The following KRR1 variants were observed in gnomAD, a reference collection of about 807,000 sequenced individuals.
KRR1 encodes KRR1 small subunit processome component homolog.
A neutral mutation model predicts 50.0 loss-of-function variants in KRR1; 23 were observed. That is an observed-to-expected ratio of 0.46 (90% CI 0.33 to 0.65). KRR1 has a LOEUF of 0.65. Among genes scored for constraint, KRR1 ranks in the 30% least tolerant of loss-of-function variants. KRR1 has a pLI of 0.02. For synonymous variants in KRR1, 133 were observed against 146.3 expected (o/e 0.91, Z 0.66); for missense variants, 419 against 442.4 (o/e 0.95, Z 0.47).
At chr12:75,502,226 G>A (rs2046399321) in intron 7 of KRR1, 2 of 407,168 alleles carry the variant, frequency 4.9e-6, no homozygotes, top group Admixed American at 4.1e-5. Context: ...GTAGTTCAGG[G>A]ATATGGCATG....
rs1566106163 is a variant in KRR1, at chr12:75,508,259, A to G, written c.258+15T>C. On this transcript the variant is annotated intron_variant, in intron 2 of 9. Coordinates refer to ENST00000229214, the MANE Select transcript of KRR1 (RefSeq NM_007043.7). ...CAAAGTCTCAAATAAATGTATTGAT[A>G]TAAGATACACATACATGTTCATTTA... 2 of 1,574,852 alleles carry G rather than the reference A, an allele frequency of 1.3e-6. No homozygotes were observed. The highest frequency in any genetic ancestry group is 1.7e-6 in the Non-Finnish European group (2 of 1,160,920).
Position 75,508,262 on chromosome 12 carries a change from A to G in KRR1, c.258+12T>C, listed in dbSNP as rs1452990878. On this transcript the variant is annotated intron_variant, in intron 2 of 9. Transcript: ENST00000229214. ...AGTCTCAAATAAATGTATTGATATA[A>G]GATACACATACATGTTCATTTAAGG... The G allele has an allele frequency of 1.9e-6, 3 of 1,575,406 alleles. No individual in the cohort carries two copies. Among genetic ancestry groups the G allele is most frequent in the African/African-American group, 2.7e-5 (2 of 73,184 alleles).
intron 9 of KRR1, 165 bp from the exon 10 acceptor site, chr12:75,500,116 C>T (rs1594065295): frequency 4.2e-6 from 2 of 481,894 alleles, no homozygotes; most frequent in Non-Finnish European, 7.0e-6. Flanking sequence ...AAAACACTTG[C>T]CTAAAGCAGT....
chr12:75,509,297 T>C (rs1195322550), intron 1 of KRR1, among the ~76,000 whole-genome samples: 4 of 152,190 alleles, frequency 2.6e-5, no homozygotes, highest in Non-Finnish European at 5.9e-5. Context: ...ATGCAATTAT[T>C]GGGCCCCACT....
chr12:75,498,616 G>C lies in KRR1; in HGVS notation c.*1193C>G. On this transcript the variant is annotated 3_prime_UTR_variant, in exon 10 of 10. Coordinates refer to ENST00000229214, the MANE Select transcript of KRR1 (RefSeq NM_007043.7). ...AGCAAGTTAATGGTCATAATTATAA[G>C]ACTTAGCTTTTTAAAATAAAACTCT... 1 of 1,158,178 alleles carries C rather than the reference G, an allele frequency of 8.6e-7. No individual in the cohort carries two copies. The highest frequency in any genetic ancestry group is 1.3e-6 in the Non-Finnish European group (1 of 774,138). The allele number at this position is 1,158,178 out of a possible 1,614,324, so 71.7% of individuals were successfully genotyped here.
chr12:75,501,478 G>C, intron 9 of KRR1: 1 of 398,980 alleles, frequency 2.5e-6, no homozygotes, highest in Non-Finnish European at 4.5e-6. Flanking sequence ...ACAACAAAGA[G>C]TCTTTTCCAA....
At position 75,492,708 on chromosome 12, in the gene KRR1, T is replaced by C. The variant is rs1280598929; in HGVS notation, c.*7101A>G. The C allele has an allele frequency of 1.3e-5, 2 of 152,222 alleles. No individual in the cohort carries two copies. Among genetic ancestry groups the C allele is most frequent in the South Asian group, 2.1e-4 (1 of 4,834 alleles). The allele number at this position is 152,222 out of a possible 1,614,324, so 9.4% of individuals were successfully genotyped here. A position where few individuals can be genotyped will look rare whatever the true frequency, so the allele number is the denominator to read the frequency against. The stretch of plus-strand genomic sequence containing the variant: ...AAAGTTATAATGCTTCCATAAAGAC[T>C]AACTTCAAATATTCATTTATTCAAC... On this transcript the variant is annotated 3_prime_UTR_variant, in exon 10 of 10. Coordinates refer to ENST00000229214, the MANE Select transcript of KRR1 (RefSeq NM_007043.7).
intron 1 of KRR1, among the ~76,000 whole-genome samples, chr12:75,510,586 T>C (rs1423227731): frequency 1.3e-5 from 2 of 152,132 alleles, no homozygotes; most frequent in Admixed American, 6.5e-5. Context: ...AGCCACTTCA[T>C]GACTACAAGA....
chr12:75,506,601 TC>T lies in KRR1; in HGVS notation c.401del (p.Arg134GlnfsTer14), dbSNP rs751772613. The T allele has an allele frequency of 2.1e-6, 3 of 1,401,758 alleles. No homozygotes were observed. The highest frequency in any genetic ancestry group is 1.9e-6 in the Non-Finnish European group (2 of 1,041,394). 86.8% of individuals were successfully genotyped at this position (1,401,758 alleles called of 1,614,324 possible). A position where few individuals can be genotyped will look rare whatever the true frequency, so the allele number is the denominator to read the frequency against. Reference protein sequence around the residue: ...ARSVSFEQAVRILQDDVACDI... With the variant: ...ARSVSFEQAVXILQDDVACDI... Reference sequence around the variant, plus strand: ...CACATGCAACATCATCCTGAAGAATTCGTACTGCCTTTTGCAAAAAAAAAAA... The same window carrying T: ...CACATGCAACATCATCCTGAAGAATTGTACTGCCTTTTGCAAAAAAAAAAA... On this transcript the variant is annotated frameshift_variant, in exon 4 of 10. Transcript: ENST00000229214. LOFTEE classifies it high-confidence loss of function.
At position 75,508,292 on chromosome 12, in the gene KRR1, C is replaced by T. The variant is rs1303334312; in HGVS notation, c.240G>A (p.Gln80=). Residue 80 remains glutamine (Q), a synonymous_variant, in exon 2 of 10, where the codon CAG becomes CAA. Coordinates refer to ENST00000229214, the MANE Select transcript of KRR1 (RefSeq NM_007043.7). ...AYLKECWPLV[Q]KALNEHHVNA... is the part of the protein sequence containing the mutation. ...CACATACATGTTCATTTAAGGCTTTCTGCACCAATGGCCAACACTCTTTCA... is the reference window on the plus strand; with the variant it reads ...CACATACATGTTCATTTAAGGCTTTTTGCACCAATGGCCAACACTCTTTCA... The T allele has an allele frequency of 6.2e-7, 1 of 1,609,814 alleles. No individual in the cohort carries two copies.
chr12:75,502,020 C>CAATT lies in KRR1; in HGVS notation c.832-24_832-21dup. 1 of 1,584,234 alleles carries CAATT rather than the reference C, an allele frequency of 6.3e-7. No homozygotes were observed. Among genetic ancestry groups the CAATT allele is most frequent in the East Asian group, 2.3e-5 (1 of 43,474 alleles). On this transcript the variant is annotated intron_variant, in intron 7 of 9. Coordinates refer to ENST00000229214, the MANE Select transcript of KRR1 (RefSeq NM_007043.7). ...ATCGATCTGTTGAAAACGGTATTTA[C>CAATT]AATTACATCAGAAATAATGTAGAGG...
chr12:75,495,663 G>C lies in KRR1; in HGVS notation c.*4146C>G. On this transcript the variant is annotated 3_prime_UTR_variant, in exon 10 of 10. Transcript: ENST00000229214. ...GACAAGTGTTTGGACAATCTCTGTG[G>C]TGAGTAAAAGGAACAATACACCAAT... 1 of 1,566,704 alleles carries C rather than the reference G, an allele frequency of 6.4e-7. No individual in the cohort carries two copies. Among genetic ancestry groups the C allele is most frequent in the African/African-American group, 1.3e-5 (1 of 74,080 alleles).
chr12:75,495,871 T>C lies in KRR1; in HGVS notation c.*3938A>G, dbSNP rs1211118727. The C allele has an allele frequency of 8.0e-6, 3 of 372,980 alleles. No individual in the cohort carries two copies. Among genetic ancestry groups the C allele is most frequent in the Non-Finnish European group, 1.5e-5 (3 of 206,852 alleles). The allele number at this position is 372,980 out of a possible 1,614,324, so 23.1% of individuals were successfully genotyped here. On this transcript the variant is annotated 3_prime_UTR_variant, in exon 10 of 10. Transcript: ENST00000229214. ...TCACGTTCTTTTTATTTAGTTCTAA[T>C]TGGTCAAACAACAACAACAAAAAAA...
chr12:75,508,231 G>T, intron 2 of KRR1, 43 bp downstream of exon 2: 2 of 1,379,496 alleles, frequency 1.4e-6, no homozygotes, highest in South Asian at 1.5e-5. Flanking sequence ...GCATAAGCAA[G>T]AGCAAAGTCT....
chr12:75,511,510 C>G lies in KRR1; in HGVS notation c.85+3G>C. 1 of 1,613,714 alleles carries G rather than the reference C, an allele frequency of 6.2e-7. No homozygotes were observed. Among genetic ancestry groups the G allele is most frequent in the Non-Finnish European group, 8.5e-7 (1 of 1,179,582 alleles). The stretch of plus-strand genomic sequence containing the variant: ...CCAGGCTTCGGTTCCCACATAACAT[C>G]ACCTTGGTTCTCCGGCTTCGGCTTC... On this transcript the variant is annotated splice_donor_region_variant and intron_variant, in intron 1 of 9. Transcript: ENST00000229214.
In KRR1 at chr12:75,506,300, A is replaced by T; in HGVS notation, c.603+16T>A. 1 of 1,491,258 alleles carries T rather than the reference A, an allele frequency of 6.7e-7. No homozygotes were observed. Among genetic ancestry groups the T allele is most frequent in the Non-Finnish European group, 9.2e-7 (1 of 1,081,788 alleles). The allele number at this position is 1,491,258 out of a possible 1,614,324, so 92.4% of individuals were successfully genotyped here. A position where few individuals can be genotyped will look rare whatever the true frequency, so the allele number is the denominator to read the frequency against. On this transcript the variant is annotated intron_variant, in intron 5 of 9. Transcript: ENST00000229214. ...TCTCTGCTGAAAATGAATCGAAGAT[A>T]ATACATAGTTCTCACCTCTTTTAAG...
At chr12:75,500,193 T>G (rs978752814) in intron 9 of KRR1, 2 of 266,128 alleles carry the variant, frequency 7.5e-6, no homozygotes, top group Admixed American at 5.4e-5. Context: ...CAAGTATACA[T>G]AAAAATGGCA....
At chr12:75,503,819 C>T in intron 7 of KRR1, 85 bp downstream of exon 7, 1 of 1,177,890 alleles carries the variant, frequency 8.5e-7, no homozygotes, top group Non-Finnish European at 1.2e-6. Context: ...ACACATATCC[C>T]ACCTGAAATA....
Position 75,499,112 on chromosome 12 carries a change from T to G in KRR1, c.*697A>C, listed in dbSNP as rs1409042547. ...ATATATGTTATAGCAATACTCTTAC[T>G]CAAAAGAAGAAATTTCCTAACTCTA... is the stretch of plus-strand genomic sequence containing the variant. On this transcript the variant is annotated 3_prime_UTR_variant, in exon 10 of 10. Transcript: ENST00000229214. 3 of 511,332 alleles carry G rather than the reference T, an allele frequency of 5.9e-6. No homozygotes were observed. In the African/African-American group the frequency reaches 6.0e-5, roughly 10 times the overall value. The allele number at this position is 511,332 out of a possible 1,614,324, so 31.7% of individuals were successfully genotyped here.
Sources: gnomAD v4.1 joint callset for allele counts (sites outside exome capture counted in the v4.1 genomes callset) on GRCh38, gnomAD v4.1.1 for gene constraint, MANE v1.5 for transcripts, NCBI Gene and HGNC (gene_info 2026-07-23, HGNC 2026-07-21) for gene names.